KIAA1217: variants seen among roughly 807,000 people sequenced by gnomAD.
The protein encoded by KIAA1217 is KIAA1217.
KIAA1217 carries 88 observed loss-of-function variants against 163.9 expected under a neutral mutation model. That is an observed-to-expected ratio of 0.54 (90% CI 0.45 to 0.64). KIAA1217 has a LOEUF of 0.64. Among genes scored for constraint, KIAA1217 ranks in the 30% least tolerant of loss-of-function variants. The probability of loss-of-function intolerance (pLI) is 0.00; values close to 1 mark genes in which losing one functional copy is unlikely to be tolerated. For synonymous variants in KIAA1217, 903 were observed against 923.1 expected (o/e 0.98, Z 0.39); for missense variants, 2,372 against 2,475.0 (o/e 0.96, Z 0.88).
At chr10:24,159,611 CAA>C (rs11307905) in intron 2 of KIAA1217, among the ~76,000 whole-genome samples, 63 of 147,610 alleles carry the variant, frequency 4.3e-4, no homozygotes, top group African/African-American at 1.0e-3. Flanking sequence ...AACCCCGTCT[CAA>C]AAAAAAAAAA....
chr10:24,028,552 A>G (rs7076235), intron 2 of KIAA1217, among the ~76,000 whole-genome samples: 34,383 of 152,140 alleles, frequency 0.23, 4,670 homozygotes, highest in East Asian at 0.38. Context: ...AACATAAAAG[A>G]ATCATTCAAA....
chr10:24,038,254 C>A (rs145710380), intron 2 of KIAA1217, among the ~76,000 whole-genome samples: 7 of 152,292 alleles, frequency 4.6e-5, no homozygotes, highest in African/African-American at 1.7e-4. Flanking sequence ...GAAACCTCCA[C>A]TGAGTGGAGA....
chr10:23,865,879 T>C (rs1481238243), intron 1 of KIAA1217, among the ~76,000 whole-genome samples: 1 of 152,186 alleles, frequency 6.6e-6, no homozygotes, highest in East Asian at 1.9e-4. Context: ...TTGTCACATG[T>C]CAGTTTTTCA....
intron 2 of KIAA1217, among the ~76,000 whole-genome samples, chr10:24,163,435 G>A (rs545722670): frequency 1.8e-4 from 28 of 152,254 alleles, no homozygotes; most frequent in African/African-American, 5.8e-4. Context: ...ATTAAGAAAT[G>A]TGCCATTTCA....
intron 1 of KIAA1217, among the ~76,000 whole-genome samples, chr10:23,782,607 A>G (rs139360673): frequency 2.0e-5 from 3 of 152,112 alleles, no homozygotes; most frequent in East Asian, 1.9e-4. Flanking sequence ...TGATTTTTGT[A>G]TTTTTAGTAG....
At chr10:24,263,912 C>T (rs190407924) in intron 2 of KIAA1217, among the ~76,000 whole-genome samples, 2 of 152,110 alleles carry the variant, frequency 1.3e-5, no homozygotes, top group Admixed American at 6.5e-5. Context: ...GGCTGGAGTG[C>T]AGTGGTGCGA....
At chr10:24,370,285 A>AAAAAAAAC (rs2051437926) in intron 2 of KIAA1217, among the ~76,000 whole-genome samples, 1 of 145,876 alleles carries the variant, frequency 6.9e-6, no homozygotes, top group African/African-American at 2.6e-5. Flanking sequence ...AAAAAAAAAA[A>AAAAAAAAC]GACATCTACC....
intron 2 of KIAA1217, among the ~76,000 whole-genome samples, chr10:24,081,437 C>T (rs1429134002): frequency 6.6e-6 from 1 of 152,118 alleles, no homozygotes; most frequent in Non-Finnish European, 1.5e-5. Context: ...CAGCAGTTGA[C>T]CTGACCCTGG....
intron 2 of KIAA1217, among the ~76,000 whole-genome samples, chr10:24,259,311 T>C (rs2075490836): frequency 6.6e-6 from 1 of 152,168 alleles, no homozygotes; most frequent in Non-Finnish European, 1.5e-5. Flanking sequence ...TAATAGGTGC[T>C]TTGTCAAAAT....
At chr10:23,705,483 G>A (rs1245861597) in intron 1 of KIAA1217, among the ~76,000 whole-genome samples, 2 of 152,074 alleles carry the variant, frequency 1.3e-5, no homozygotes, top group African/African-American at 4.8e-5. Flanking sequence ...ATATTCAATT[G>A]TCCCAGCAAC....
intron 1 of KIAA1217, among the ~76,000 whole-genome samples, chr10:23,906,766 C>T (rs1224991420): frequency 6.6e-6 from 1 of 152,082 alleles, no homozygotes; most frequent in African/African-American, 2.4e-5. Flanking sequence ...GGTATGTGCA[C>T]ATAATGGAGA....
intron 2 of KIAA1217, among the ~76,000 whole-genome samples, chr10:24,252,414 C>T (rs775737418): frequency 1.3e-5 from 2 of 151,448 alleles, no homozygotes; most frequent in Non-Finnish European, 2.9e-5. Context: ...CCTGTCCCTA[C>T]AAAAAATAAA....
At position 24,378,447 on chromosome 10, in the gene KIAA1217, A is replaced by G. The variant is rs144751402; in HGVS notation, c.355-2422A>G. Among the ~76,000 whole-genome samples the G allele has an allele frequency of 2.0e-3, 309 of 152,222 alleles. 3 individuals carry two copies. The highest frequency in any genetic ancestry group is 3.4e-3 in the Middle Eastern group (1 of 294). On this transcript the variant is annotated intron_variant, in intron 2 of 20. Coordinates refer to ENST00000376454, the MANE Select transcript of KIAA1217 (RefSeq NM_019590.5). Reference sequence around the variant, plus strand: ...CCTCCCCTGATGCCCCTTTAAACTCAGCAGTTACTGCCCCAGACTCCTTCT... The same window carrying G: ...CCTCCCCTGATGCCCCTTTAAACTCGGCAGTTACTGCCCCAGACTCCTTCT...
chr10:24,296,320 G>T (rs900660006), intron 2 of KIAA1217, among the ~76,000 whole-genome samples: 1 of 152,028 alleles, frequency 6.6e-6, no homozygotes, highest in African/African-American at 2.4e-5. Context: ...AAGGCTGGTT[G>T]GTCTCAAACT....
chr10:24,281,871 C>T (rs1444773468), intron 2 of KIAA1217, among the ~76,000 whole-genome samples: 1 of 152,088 alleles, frequency 6.6e-6, no homozygotes, highest in African/African-American at 2.4e-5. Flanking sequence ...GCATGGCTAA[C>T]ACGGTGAAAT....
At chr10:23,743,152 G>A (rs925989836) in intron 1 of KIAA1217, among the ~76,000 whole-genome samples, 11 of 151,940 alleles carry the variant, frequency 7.2e-5, no homozygotes, top group African/African-American at 2.4e-4. Context: ...TGGTACGTTT[G>A]AATGTGGCCT....
intron 2 of KIAA1217, among the ~76,000 whole-genome samples, chr10:24,314,942 G>A (rs1181193508): frequency 4.7e-5 from 7 of 150,340 alleles, no homozygotes; most frequent in South Asian, 2.1e-4. Flanking sequence ...AGACTGTCTC[G>A]AAAAAAAAAT....
At chr10:23,712,294 C>T (rs1247809577) in intron 1 of KIAA1217, among the ~76,000 whole-genome samples, 2 of 151,972 alleles carry the variant, frequency 1.3e-5, no homozygotes, top group Non-Finnish European at 2.9e-5. Context: ...ACCTGCATTC[C>T]CCTCACCAAT....
At chr10:23,864,447 A>G (rs957166235) in intron 1 of KIAA1217, among the ~76,000 whole-genome samples, 4 of 151,428 alleles carry the variant, frequency 2.6e-5, no homozygotes, top group Non-Finnish European at 5.9e-5. Context: ...TTGCAGTTTT[A>G]CTGTACTTTC....
Sources: gnomAD v4.1 joint callset for allele counts (sites outside exome capture counted in the v4.1 genomes callset) on GRCh38, gnomAD v4.1.1 for gene constraint, MANE v1.5 for transcripts, NCBI Gene and HGNC (gene_info 2026-07-23, HGNC 2026-07-21) for gene names.